The following LRRTM4 variants were observed in gnomAD, a reference collection of about 807,000 sequenced individuals.
LRRTM4 encodes the protein leucine-rich repeat transmembrane neuronal protein 4.
A neutral mutation model predicts 47.6 loss-of-function variants in LRRTM4; 25 were observed. The observed-to-expected ratio is 0.53, with a 90% CI of 0.38 to 0.73. The LOEUF (loss-of-function observed/expected upper bound fraction) is 0.73. Among genes scored for constraint, LRRTM4 ranks in the 30% least tolerant of loss-of-function variants. The probability of loss-of-function intolerance (pLI) is 0.00; values close to 1 mark genes in which losing one functional copy is unlikely to be tolerated. For synonymous variants in LRRTM4, 311 were observed against 269.5 expected (o/e 1.15, Z -1.51); for missense variants, 638 against 713.4 (o/e 0.89, Z 1.20).
chr2:77,279,171 A>G (rs2104094552), intron 3 of LRRTM4, among the ~76,000 whole-genome samples: 1 of 152,124 alleles, frequency 6.6e-6, no homozygotes, highest in East Asian at 1.9e-4. Flanking sequence ...GCATTTCAAG[A>G]CAGTTCCTTT....
rs1243859606 is a variant in LRRTM4, at chr2:76,800,992, T to C, written c.1552-52076A>G. On this transcript the variant is annotated intron_variant, in intron 3 of 3. Coordinates refer to ENST00000409884, the MANE Select transcript of LRRTM4 (RefSeq NM_001134745.3). ...CATCTCACACCAGTTAGAATGGCAA[T>C]CATTAAAAAGGCAGGAAACAACAGG... Among the ~76,000 whole-genome samples, 3 of 147,544 alleles carry C rather than the reference T, an allele frequency of 2.0e-5. 1 individual carries two copies. Among genetic ancestry groups the C allele is most frequent in the African/African-American group, 5.0e-5 (2 of 39,948 alleles).
At chr2:77,299,249 A>G (rs752280311) in intron 3 of LRRTM4, among the ~76,000 whole-genome samples, 9 of 88,748 alleles carry the variant, frequency 1.0e-4, no homozygotes, top group Non-Finnish European at 2.1e-4. Flanking sequence ...CTCTTTATCT[A>G]TATATATATA....
chr2:77,306,822 T>A (rs1647193791), intron 3 of LRRTM4, among the ~76,000 whole-genome samples: 1 of 151,528 alleles, frequency 6.6e-6, no homozygotes, highest in Non-Finnish European at 1.5e-5. Context: ...ATGTTTGCAA[T>A]CATTTAAAAG....
At chr2:77,415,031 GGTA>G (rs1237165269) in intron 3 of LRRTM4, among the ~76,000 whole-genome samples, 1 of 152,068 alleles carries the variant, frequency 6.6e-6, no homozygotes, top group East Asian at 1.9e-4. Flanking sequence ...AAGATTAGAT[GGTA>G]GTGATTTAGG....
chr2:77,021,118 C>CTATG (rs1553445905), intron 3 of LRRTM4, among the ~76,000 whole-genome samples: 172 of 151,628 alleles, frequency 1.1e-3, no homozygotes, highest in African/African-American at 4.0e-3. Flanking sequence ...ATGTATCTAT[C>CTATG]TATCTATCTA....
chr2:76,872,680 T>C (rs115034873), intron 3 of LRRTM4, among the ~76,000 whole-genome samples: 1,794 of 152,180 alleles, frequency 0.012, 43 homozygotes, highest in African/African-American at 0.041. Context: ...CTCTATGCTA[T>C]AGTTTGGATA....
intron 3 of LRRTM4, among the ~76,000 whole-genome samples, chr2:77,199,306 CAT>C (rs1673912700): frequency 6.6e-6 from 1 of 152,084 alleles, no homozygotes; most frequent in Non-Finnish European, 1.5e-5. Context: ...CTCATTTACA[CAT>C]GAGGGAATTA....
intron 3 of LRRTM4, among the ~76,000 whole-genome samples, chr2:77,201,615 C>A (rs1402195728): frequency 2.0e-5 from 3 of 152,024 alleles, no homozygotes; most frequent in East Asian, 3.9e-4. Context: ...AGACTATACT[C>A]AAAAGAAAAG....
At chr2:77,375,298 T>G (rs1352860174) in intron 3 of LRRTM4, among the ~76,000 whole-genome samples, 1 of 151,818 alleles carries the variant, frequency 6.6e-6, no homozygotes, top group Non-Finnish European at 1.5e-5. Flanking sequence ...ACAAAAGAAC[T>G]ATACATGTTT....
chr2:77,313,580 C>T (rs1178910272), intron 3 of LRRTM4, among the ~76,000 whole-genome samples: 1 of 152,248 alleles, frequency 6.6e-6, no homozygotes, highest in Non-Finnish European at 1.5e-5. Flanking sequence ...TCCCAGCACC[C>T]CTGAGCACCC....
At chr2:77,012,016 C>A (rs147177562) in intron 3 of LRRTM4, among the ~76,000 whole-genome samples, 1 of 152,148 alleles carries the variant, frequency 6.6e-6, no homozygotes, top group East Asian at 1.9e-4. Flanking sequence ...GCATTTGAAG[C>A]CTGCATCAAA....
intron 3 of LRRTM4, among the ~76,000 whole-genome samples, chr2:77,018,257 TGC>T (rs1491103673): frequency 1.6e-4 from 21 of 132,544 alleles, no homozygotes; most frequent in African/African-American, 3.1e-5. Context: ...AGCTCTTGAT[TGC>T]TTTTTTTTTT....
chr2:77,020,909 T>C (rs1678243960), intron 3 of LRRTM4, among the ~76,000 whole-genome samples: 1 of 152,154 alleles, frequency 6.6e-6, no homozygotes, highest in South Asian at 2.1e-4. Flanking sequence ...TTTTCAGAAT[T>C]GTTATGGACT....
At chr2:76,919,170 T>C (rs955203800) in intron 3 of LRRTM4, among the ~76,000 whole-genome samples, 1 of 152,178 alleles carries the variant, frequency 6.6e-6, no homozygotes, top group Admixed American at 6.5e-5. Flanking sequence ...TGTGCAGGGA[T>C]ATTTTTGGTG....
intron 3 of LRRTM4, among the ~76,000 whole-genome samples, chr2:77,012,236 A>G (rs1677901185): frequency 6.6e-6 from 1 of 152,114 alleles, no homozygotes; most frequent in Non-Finnish European, 1.5e-5. Flanking sequence ...TCAAAACTGG[A>G]ATAATTCGTT....
At chr2:77,384,492 A>G (rs1256703643) in intron 3 of LRRTM4, among the ~76,000 whole-genome samples, 2 of 151,882 alleles carry the variant, frequency 1.3e-5, no homozygotes, top group East Asian at 1.9e-4. Context: ...ACTTATCACT[A>G]CTTTGCTTAC....
chr2:76,881,939 T>G, intron 3 of LRRTM4, among the ~76,000 whole-genome samples: 1 of 152,012 alleles, frequency 6.6e-6, no homozygotes, highest in Admixed American at 6.6e-5. Flanking sequence ...TGAATCTCTT[T>G]ACTTAACTTC....
chr2:76,801,223 A>ATT, intron 3 of LRRTM4, among the ~76,000 whole-genome samples: 1 of 152,174 alleles, frequency 6.6e-6, no homozygotes, highest in Non-Finnish European at 1.5e-5. Flanking sequence ...ACATATGTTT[A>ATT]TTGCAGCATT....
rs551443863 is a variant in LRRTM4 at position 76,935,530 on chromosome 2, G to C, written c.1552-186614C>G. ...TTTGTGTCCTCTTTTATTTCCTTGA[G>C]CAGTGGTTTGTAGTTCTCCTTGAAA... On this transcript the variant is annotated intron_variant, in intron 3 of 3. Transcript: ENST00000409884. 2.0e-5 allele frequency among the ~76,000 whole-genome samples: 3 copies of C among 152,164 alleles called. No homozygotes were observed. The East Asian group carries it at 5.8e-4, about 30-fold the overall frequency.
Sources: allele counts gnomAD v4.1 joint callset (sites outside exome capture counted in the v4.1 genomes callset), GRCh38; gene constraint gnomAD v4.1.1; transcripts MANE v1.5; gene names NCBI Gene and HGNC (gene_info 2026-07-23, HGNC 2026-07-21).